Variants in RXYLT1 observed in about 807,000 individuals in gnomAD.
RXYLT1 encodes ribitol xylosyltransferase 1.
In RXYLT1, 41 loss-of-function variants were observed where a neutral mutation model predicts 43.5. The ratio of observed to expected loss-of-function variants is 0.94; its 90% confidence interval spans 0.73 to 1.22. The LOEUF is 1.22. RXYLT1 is among the 50% of genes most tolerant of loss of function. The probability of loss-of-function intolerance (pLI) is 0.00; values close to 1 mark genes in which losing one functional copy is unlikely to be tolerated. For missense variants in RXYLT1, 514 were observed against 532.0 expected (o/e 0.97, Z 0.33); for synonymous variants, 166 against 194.4 (o/e 0.85, Z 1.21).
In RXYLT1 at chr12:63,805,286, A is replaced by C; in HGVS notation, c.796A>C (p.Arg266=). ...EASWSMLHDE[R]PYLCNFLGTI... Reference sequence around the variant, plus strand: ...AAGTTGGTCAATGCTGCATGATGAGAGGCCATATTTATGTAATTTCTTAGG... The same window carrying C: ...AAGTTGGTCAATGCTGCATGATGAGCGGCCATATTTATGTAATTTCTTAGG... Residue 266 remains arginine, a synonymous_variant, in exon 5 of 6, where the codon AGG becomes CGG. Coordinates refer to ENST00000261234, the MANE Select transcript of RXYLT1 (RefSeq NM_014254.3). The C allele has an allele frequency of 6.2e-7, 1 of 1,613,456 alleles. No homozygotes were observed.
chr12:63,799,022 A>G (rs913966858), intron 3 of RXYLT1, among the ~76,000 whole-genome samples: 2 of 152,182 alleles, frequency 1.3e-5, no homozygotes, highest in Non-Finnish European at 2.9e-5. Flanking sequence ...TGAAAAATTT[A>G]CAGGAACACT....
At chr12:63,797,670 G>A (rs188321412) in intron 3 of RXYLT1, among the ~76,000 whole-genome samples, 1 of 152,166 alleles carries the variant, frequency 6.6e-6, no homozygotes, top group Non-Finnish European at 1.5e-5. Flanking sequence ...TTCTAGGGTA[G>A]TGAAAAGCAA....
chr12:63,788,424 A>C (rs1341351787), intron 3 of RXYLT1, among the ~76,000 whole-genome samples: 1 of 152,164 alleles, frequency 6.6e-6, no homozygotes, highest in East Asian at 1.9e-4. Flanking sequence ...CTGCATTGAA[A>C]ATCTGTTGTC....
At chr12:63,784,343 A>T (rs1025644559) in intron 2 of RXYLT1, among the ~76,000 whole-genome samples, 3 of 152,160 alleles carry the variant, frequency 2.0e-5, no homozygotes, top group Admixed American at 2.0e-4. Flanking sequence ...TGGTCTCCAT[A>T]GTGCCTCATT....
In RXYLT1 at chr12:63,781,139, A is replaced by T; in HGVS notation, c.290A>T (p.Asp97Val). ...GATAAATCCACGAAAGGAAAAACAG[A>T]TCTCAGTGTACAAATCTGGGGCAAA... ...ILDKSTKGKT[D>V]LSVQIWGKAA... Residue 97 changes from aspartate to valine, a missense_variant, in exon 2 of 6, where the codon GAT becomes GTT. By Grantham distance (152) the Asp-to-Val change is radical. Coordinates refer to ENST00000261234, the MANE Select transcript of RXYLT1 (RefSeq NM_014254.3). 1.9e-6 allele frequency: 3 copies of T among 1,604,454 alleles called. No homozygotes were observed. Among genetic ancestry groups the T allele is most frequent in the Non-Finnish European group, 2.6e-6 (3 of 1,176,280 alleles).
intron 3 of RXYLT1, among the ~76,000 whole-genome samples, chr12:63,792,024 C>CT (rs1440510136): frequency 2.6e-5 from 4 of 152,188 alleles, no homozygotes; most frequent in Non-Finnish European, 5.9e-5. Context: ...GGCTAAGTAC[C>CT]TGGCCTAAGG....
At chr12:63,786,465 G>A (rs911042508) in intron 3 of RXYLT1, among the ~76,000 whole-genome samples, 1 of 151,666 alleles carries the variant, frequency 6.6e-6, no homozygotes, top group Non-Finnish European at 1.5e-5. Flanking sequence ...TGAAAGTTAT[G>A]TTTACACTGT....
chr12:63,781,103 T>G lies in RXYLT1; in HGVS notation c.254T>G (p.Leu85Arg). 1 of 1,609,672 alleles carries G rather than the reference T, an allele frequency of 6.2e-7. No homozygotes were observed. The highest frequency in any genetic ancestry group is 8.5e-7 in the Non-Finnish European group (1 of 1,178,434). ...NEQQHRFKTS[L>R]QILDKSTKGK... ...CAACAACACAGATTTAAAACTAGCC[T>G]TCAAATATTAGATAAATCCACGAAA... The change falls in exon 2 of 6, where the codon CTT (leucine) becomes CGT (arginine). Residue 85 changes from leucine to arginine, a missense_variant. Physicochemically the swap from Leu to Arg is moderately radical, Grantham distance 102 (BLOSUM62 -2). Coordinates refer to ENST00000261234, the MANE Select transcript of RXYLT1 (RefSeq NM_014254.3).
In RXYLT1 at chr12:63,809,202, ACT is replaced by A. The variant is rs1470530141; in HGVS notation, c.*113_*114del. On this transcript the variant is annotated 3_prime_UTR_variant, in exon 6 of 6. Transcript: ENST00000261234. ...GATGTTCTTTAAGGTACCCTTGAAA[ACT>A]CTACATTATGTATGCCACATAATGA... is the stretch of plus-strand genomic sequence containing the variant. 3.8e-6 allele frequency: 3 copies of A among 782,902 alleles called. No individual in the cohort carries two copies. The highest frequency in any genetic ancestry group is 1.9e-5 in the South Asian group (1 of 51,648). The allele number at this position is 782,902 out of a possible 1,614,324, so 48.5% of individuals were successfully genotyped here.
rs755536664 is a variant in RXYLT1, at chr12:63,784,952, TTTG to T, written c.326-12_326-10del. ...GACAGTAAATTGTTTTGATTTTGTT[TTTG>T]TTGTTAATTACCAGGCTTGTATCTC... On this transcript the variant is annotated splice_polypyrimidine_tract_variant and intron_variant, in intron 2 of 5. Transcript: ENST00000261234. The T allele has an allele frequency of 8.7e-6, 14 of 1,607,152 alleles. No individual in the cohort carries two copies. In the East Asian group the frequency reaches 2.2e-4, roughly 26 times the overall value.
intron 3 of RXYLT1, chr12:63,790,498 C>T (rs896053242): frequency 5.9e-5 from 9 of 152,222 alleles, no homozygotes; most frequent in African/African-American, 1.9e-4. Context: ...AGAGTACAGA[C>T]TCTGGAGCCA....
intron 2 of RXYLT1, chr12:63,782,580 G>A (rs1396509903): frequency 4.4e-6 from 2 of 456,548 alleles, no homozygotes; most frequent in Non-Finnish European, 8.8e-6. Flanking sequence ...ACATTCTGAA[G>A]AACCTTGTGG....
At chr12:63,806,548 T>G (rs1018159450) in intron 5 of RXYLT1, 2 of 152,276 alleles carry the variant, frequency 1.3e-5, no homozygotes, top group African/African-American at 2.4e-5. Context: ...ATGTGCTTAC[T>G]ATGTTACAGG....
intron 1 of RXYLT1, chr12:63,780,367 C>G: frequency 2.3e-6 from 3 of 1,287,966 alleles, no homozygotes; most frequent in Non-Finnish European, 2.9e-6. Flanking sequence ...GTGACAGGCG[C>G]GCACGCCTTT....
At position 63,800,277 on chromosome 12, in the gene RXYLT1, TG is replaced by T. The variant is rs1469263764; in HGVS notation, c.429-1807del. On this transcript the variant is annotated intron_variant, in intron 3 of 5. Coordinates refer to ENST00000261234, the MANE Select transcript of RXYLT1 (RefSeq NM_014254.3). Reference sequence around the variant, plus strand: ...AGAATAATGAACTCCTCAGAGTTGTTGGGGGGGTTAATGATGACCCATGCAA... The same window carrying T: ...AGAATAATGAACTCCTCAGAGTTGTTGGGGGGTTAATGATGACCCATGCAA... 5.9e-5 allele frequency among the ~76,000 whole-genome samples: 9 copies of T among 152,246 alleles called. No individual in the cohort carries two copies. The East Asian group carries it at 1.2e-3, about 20-fold the overall frequency.
chr12:63,780,427 G>A (rs1897653048), intron 1 of RXYLT1: 1 of 1,224,626 alleles, frequency 8.2e-7, no homozygotes, highest in Non-Finnish European at 1.0e-6. Context: ...AGAGATTTGC[G>A]GGAATGCTCC....
chr12:63,802,480 T>C (rs1300454819), intron 4 of RXYLT1, 75 bp downstream of exon 4: 1 of 1,388,066 alleles, frequency 7.2e-7, no homozygotes, highest in African/African-American at 1.5e-5. Context: ...TTATTCAAAA[T>C]TGTAATAAAT....
At chr12:63,783,118 T>G (rs1365279079) in intron 2 of RXYLT1, among the ~76,000 whole-genome samples, 1 of 152,190 alleles carries the variant, frequency 6.6e-6, no homozygotes, top group African/African-American at 2.4e-5. Context: ...CCTTCCAGTT[T>G]CTAATAACAC....
At chr12:63,786,764 G>A (rs1897812176) in intron 3 of RXYLT1, among the ~76,000 whole-genome samples, 1 of 152,188 alleles carries the variant, frequency 6.6e-6, no homozygotes, top group Admixed American at 6.5e-5. Flanking sequence ...AGTTTTCTCT[G>A]TAGCACATGA....
Sources: gnomAD v4.1 joint callset for allele counts (sites outside exome capture counted in the v4.1 genomes callset) on GRCh38, gnomAD v4.1.1 for gene constraint, MANE v1.5 for transcripts, NCBI Gene and HGNC (gene_info 2026-07-23, HGNC 2026-07-21) for gene names.